Variants in PRKAA1 observed in about 807,000 individuals in gnomAD.
The protein encoded by PRKAA1 is protein kinase AMP-activated catalytic subunit alpha 1.
A neutral mutation model predicts 56.9 loss-of-function variants in PRKAA1; 23 were observed. The ratio of observed to expected loss-of-function variants is 0.40; its 90% confidence interval spans 0.29 to 0.57. The LOEUF (loss-of-function observed/expected upper bound fraction) is 0.57. PRKAA1 is among the 20% of genes least tolerant of loss of function. The probability of loss-of-function intolerance (pLI) is 0.39; values close to 1 mark genes in which losing one functional copy is unlikely to be tolerated. For synonymous variants in PRKAA1, 226 were observed against 227.0 expected (o/e 1.00, Z 0.04); for missense variants, 413 against 679.7 (o/e 0.61, Z 4.36).
At chr5:40,768,670 T>C in intron 5 of PRKAA1, 1 of 1,230,246 alleles carries the variant, frequency 8.1e-7, no homozygotes, top group Non-Finnish European at 1.0e-6. Context: ...ACAGTATTTC[T>C]GCATTGAGTT....
Position 40,762,513 on chromosome 5 carries a change from C to A in PRKAA1, c.*265G>T. On this transcript the variant is annotated 3_prime_UTR_variant, in exon 9 of 9. Coordinates refer to ENST00000397128, the MANE Select transcript of PRKAA1 (RefSeq NM_006251.6). Reference sequence around the variant, plus strand: ...CTGTGTACACTAAATATAAAATAGCCAAAAATCAAGTAAGCCTGAGACCTA... The same window carrying A: ...CTGTGTACACTAAATATAAAATAGCAAAAAATCAAGTAAGCCTGAGACCTA... 1 of 366,212 alleles carries A rather than the reference C, an allele frequency of 2.7e-6. No homozygotes were observed. The highest frequency in any genetic ancestry group is 3.5e-5 in the South Asian group (1 of 28,824). 22.7% of individuals were successfully genotyped at this position (366,212 alleles called of 1,614,324 possible). A position where few individuals can be genotyped will look rare whatever the true frequency, so the allele number is the denominator to read the frequency against.
At chr5:40,769,539 C>A in intron 4 of PRKAA1, 36 bp from the exon 5 acceptor site, 1 of 1,464,066 alleles carries the variant, frequency 6.8e-7, no homozygotes, top group South Asian at 1.2e-5. Flanking sequence ...CAAAAGATTT[C>A]CCAAAGACAA....
Position 40,759,537 on chromosome 5 carries a change from C to G in PRKAA1, c.*3241G>C, listed in dbSNP as rs1743078354. On this transcript the variant is annotated 3_prime_UTR_variant, in exon 9 of 9. Transcript: ENST00000397128. ...TACAGTTATGTTGTATGTGGAATTT[C>G]ATTCTTGTCAGAACTCACAATGGAA... 6.6e-6 allele frequency: 1 copy of G among 152,244 alleles called. No individual in the cohort carries two copies. Among genetic ancestry groups the G allele is most frequent in the Non-Finnish European group, 1.5e-5 (1 of 68,014 alleles). 9.4% of individuals were successfully genotyped at this position (152,244 alleles called of 1,614,324 possible).
intron 8 of PRKAA1, among the ~76,000 whole-genome samples, chr5:40,763,595 G>T (rs184776244): frequency 6.6e-6 from 1 of 151,976 alleles, no homozygotes; most frequent in African/African-American, 2.4e-5. Flanking sequence ...AATAAAAATC[G>T]AAGAAAAACT....
At chr5:40,795,547 C>T (rs991477540) in intron 1 of PRKAA1, among the ~76,000 whole-genome samples, 4 of 152,166 alleles carry the variant, frequency 2.6e-5, no homozygotes, top group African/African-American at 7.2e-5. Flanking sequence ...CCAACTGGCA[C>T]ATGGCATTCC....
At position 40,764,649 on chromosome 5, in the gene PRKAA1, T is replaced by A; in HGVS notation, c.1309-9A>T. ...TAATATGGGTTTACAACCTAGCACA[T>A]GGTATAACAAAAACCAAGTCAAAAG... On this transcript the variant is annotated splice_polypyrimidine_tract_variant and intron_variant, in intron 7 of 8. Coordinates refer to ENST00000397128, the MANE Select transcript of PRKAA1 (RefSeq NM_006251.6). 6.2e-7 allele frequency: 1 copy of A among 1,612,146 alleles called. No individual in the cohort carries two copies. Among genetic ancestry groups the A allele is most frequent in the Non-Finnish European group, 8.5e-7 (1 of 1,179,036 alleles).
intron 1 of PRKAA1, among the ~76,000 whole-genome samples, chr5:40,781,687 CAT>C (rs1406194159): frequency 6.6e-6 from 1 of 152,210 alleles, no homozygotes; most frequent in African/African-American, 2.4e-5. Context: ...AGAAATAAAA[CAT>C]AGTCATAGAT....
chr5:40,782,432 G>T (rs1744299545), intron 1 of PRKAA1, among the ~76,000 whole-genome samples: 1 of 152,124 alleles, frequency 6.6e-6, no homozygotes, highest in South Asian at 2.1e-4. Context: ...CCTGGGCTAT[G>T]GGACCTTCCC....
At chr5:40,786,830 A>G (rs1744510279) in intron 1 of PRKAA1, among the ~76,000 whole-genome samples, 1 of 141,842 alleles carries the variant, frequency 7.1e-6, no homozygotes, top group Non-Finnish European at 1.5e-5. Flanking sequence ...GTGGTGGTGC[A>G]CGCCTGTAAT....
chr5:40,761,234 T>A lies in PRKAA1; in HGVS notation c.*1544A>T, dbSNP rs1297317358. ...GATCCTAGTTTGAAATAATCAGCTATAAAGAAATTTGGAGTTAACTTCAGA... is the reference window on the plus strand; with the variant it reads ...GATCCTAGTTTGAAATAATCAGCTAAAAAGAAATTTGGAGTTAACTTCAGA... On this transcript the variant is annotated 3_prime_UTR_variant, in exon 9 of 9. Coordinates refer to ENST00000397128, the MANE Select transcript of PRKAA1 (RefSeq NM_006251.6). 1 of 152,172 alleles carries A rather than the reference T, an allele frequency of 6.6e-6. No individual in the cohort carries two copies. Among genetic ancestry groups the A allele is most frequent in the Non-Finnish European group, 1.5e-5 (1 of 67,998 alleles). 9.4% of individuals were successfully genotyped at this position (152,172 alleles called of 1,614,324 possible). A position where few individuals can be genotyped will look rare whatever the true frequency, so the allele number is the denominator to read the frequency against.
At chr5:40,788,664 C>T (rs1357071739) in intron 1 of PRKAA1, among the ~76,000 whole-genome samples, 1 of 152,062 alleles carries the variant, frequency 6.6e-6, no homozygotes, top group African/African-American at 2.4e-5. Context: ...CCTATCTCTA[C>T]TAAAAATACA....
Position 40,762,701 on chromosome 5 carries a change from G to T in PRKAA1, c.*77C>A, listed in dbSNP as rs1267234991. The T allele has an allele frequency of 7.7e-6, 12 of 1,552,946 alleles. No homozygotes were observed. The Admixed American group carries it at 8.9e-5, about 12-fold the overall frequency. Reference sequence around the variant, plus strand: ...CCTCGGTTATAATTATGTATAACTTGATTACAAATGGAAGCATTTGGCTGT... The same window carrying T: ...CCTCGGTTATAATTATGTATAACTTTATTACAAATGGAAGCATTTGGCTGT... On this transcript the variant is annotated 3_prime_UTR_variant, in exon 9 of 9. Coordinates refer to ENST00000397128, the MANE Select transcript of PRKAA1 (RefSeq NM_006251.6).
intron 1 of PRKAA1, among the ~76,000 whole-genome samples, chr5:40,778,007 G>T (rs1744096484): frequency 6.6e-6 from 1 of 152,150 alleles, no homozygotes; most frequent in Admixed American, 6.5e-5. Context: ...CCAGGAGGCG[G>T]AGGTTGCAGT....
chr5:40,783,840 A>G (rs924575416), intron 1 of PRKAA1, among the ~76,000 whole-genome samples: 1 of 152,210 alleles, frequency 6.6e-6, no homozygotes, highest in Non-Finnish European at 1.5e-5. Flanking sequence ...AGAGTTGAAT[A>G]GGGTTGAACC....
rs2111966632 is a variant in PRKAA1 at position 40,761,703 on chromosome 5, ATG to A, written c.*1073_*1074del. The A allele has an allele frequency of 6.6e-6, 1 of 152,476 alleles. No individual in the cohort carries two copies. Among genetic ancestry groups the A allele is most frequent in the South Asian group, 2.1e-4 (1 of 4,832 alleles). 9.4% of individuals were successfully genotyped at this position (152,476 alleles called of 1,614,324 possible). A position where few individuals can be genotyped will look rare whatever the true frequency, so the allele number is the denominator to read the frequency against. On this transcript the variant is annotated 3_prime_UTR_variant, in exon 9 of 9. Coordinates refer to ENST00000397128, the MANE Select transcript of PRKAA1 (RefSeq NM_006251.6). ...AAGATACATAATCAAATAAGTAGCA[ATG>A]TGTGCATATACTCAATAATGACTGA...
chr5:40,782,711 G>C (rs977976242), intron 1 of PRKAA1, among the ~76,000 whole-genome samples: 1 of 151,984 alleles, frequency 6.6e-6, no homozygotes, highest in Non-Finnish European at 1.5e-5. Flanking sequence ...AAATTTTATA[G>C]AACACACAAC....
At chr5:40,767,346 CTA>C in intron 6 of PRKAA1, 118 bp downstream of exon 6, 1 of 772,808 alleles carries the variant, frequency 1.3e-6, no homozygotes, top group Non-Finnish European at 2.0e-6. Context: ...TCTATACACT[CTA>C]TTTTTTTCAC....
Position 40,798,085 on chromosome 5 carries a change from G to T in PRKAA1, c.105C>A (p.Val35=), listed in dbSNP as rs532946275. 2 of 1,609,404 alleles carry T rather than the reference G, an allele frequency of 1.2e-6. No homozygotes were observed. Among genetic ancestry groups the T allele is most frequent in the Middle Eastern group, 1.7e-4 (1 of 6,026 alleles). Residue 35 remains valine, a synonymous_variant, in exon 1 of 9, where the codon GTC becomes GTA. Transcript: ENST00000397128. The part of the protein sequence containing the change: ...GHYILGDTLG[V]GTFGKVKVGK... ...CACCCTTCACTTTGCCGAAGGTGCC[G>T]ACCCCCAGCGTGTCACCCAGAATGT... is the stretch of plus-strand genomic sequence containing the variant.
intron 1 of PRKAA1, among the ~76,000 whole-genome samples, chr5:40,781,802 G>C (rs987324061): frequency 6.6e-6 from 1 of 152,098 alleles, no homozygotes; most frequent in Middle Eastern, 3.2e-3. Flanking sequence ...TGGGGGTGTA[G>C]TATGAAATGT....
Sources: allele counts gnomAD v4.1 joint callset (sites outside exome capture counted in the v4.1 genomes callset), GRCh38; gene constraint gnomAD v4.1.1; transcripts MANE v1.5; gene names NCBI Gene and HGNC (gene_info 2026-07-23, HGNC 2026-07-21).